The following DNTT variants were observed in gnomAD, a reference collection of about 807,000 sequenced individuals.
The protein encoded by DNTT is DNA nucleotidylexotransferase, also known as nucleosidetriphosphate:DNA deoxynucleotidylexotransferase.
Under a neutral mutation model 60.9 loss-of-function variants are expected in DNTT, and 47 were observed. The observed-to-expected ratio is 0.77, with a 90% CI of 0.61 to 0.98. The LOEUF is 0.98. DNTT is among the 50% of genes least tolerant of loss of function. The pLI, the probability that DNTT is intolerant of heterozygous loss-of-function variation, is 0.00. For synonymous variants in DNTT, 224 were observed against 221.2 expected, an observed-to-expected ratio of 1.01 and a Z score of -0.11; for missense variants, 665 against 627.5, an observed-to-expected ratio of 1.06 and a Z score of -0.64.
intron 1 of DNTT, among the ~76,000 whole-genome samples, chr10:96,306,037 G>A (rs1349126709): frequency 7.2e-5 from 11 of 151,900 alleles, no homozygotes; most frequent in East Asian, 1.9e-4. Context: ...TTACATAGAA[G>A]GCTAGAGTTG....
At chr10:96,325,246 T>C (rs942110614) in intron 6 of DNTT, among the ~76,000 whole-genome samples, 2 of 152,226 alleles carry the variant, frequency 1.3e-5, no homozygotes, top group Non-Finnish European at 1.5e-5. Context: ...TTTGTAAAGT[T>C]GCTAATCTTT....
At chr10:96,318,248 G>A (rs1174951720) in intron 1 of DNTT, 104 bp from the exon 2 acceptor site, 1 of 1,361,986 alleles carries the variant, frequency 7.3e-7, no homozygotes, top group South Asian at 1.4e-5. Flanking sequence ...GGTCTAGCAT[G>A]TGTCTTTCTC....
chr10:96,318,361 C>A lies in DNTT; in HGVS notation c.213C>A (p.Val71=), dbSNP rs372075557. The A allele has an allele frequency of 3.7e-6, 6 of 1,610,596 alleles. 1 individual carries two copies. In the South Asian group the frequency reaches 5.5e-5, roughly 15 times the overall value. ...FRVENELSDS[V]THIVAENNSG... Reference sequence around the variant, plus strand: ...GTCTTGCATTTTGCAGTGATTCTGTCACCCACATCGTAGCAGAGAACAACT... The same window carrying A: ...GTCTTGCATTTTGCAGTGATTCTGTAACCCACATCGTAGCAGAGAACAACT... The change falls in exon 2 of 11, where the codon GTC becomes GTA. Residue 71 remains valine (V), a synonymous_variant. Transcript: ENST00000371174.
intron 1 of DNTT, among the ~76,000 whole-genome samples, chr10:96,305,158 G>A (rs975011493): frequency 6.6e-6 from 1 of 152,180 alleles, no homozygotes; most frequent in Non-Finnish European, 1.5e-5. Flanking sequence ...TGTGGTGGGC[G>A]AGGATGACTA....
At chr10:96,307,305 G>A (rs1484892372) in intron 1 of DNTT, among the ~76,000 whole-genome samples, 1 of 150,584 alleles carries the variant, frequency 6.6e-6, no homozygotes, top group Admixed American at 6.6e-5. Flanking sequence ...GGGTTGGTAG[G>A]GAGAGATTAT....
rs1441308237 is a variant in DNTT at position 96,338,185 on chromosome 10, G to A, written c.1491G>A (p.Leu497=). 1 of 1,613,368 alleles carries A rather than the reference G, an allele frequency of 6.2e-7. No individual in the cohort carries two copies. Among genetic ancestry groups the A allele is most frequent in the Non-Finnish European group, 8.5e-7 (1 of 1,179,826 alleles). ...AESEEEIFAH[L]GLDYIEPWER... ...GTGAAGAAGAAATTTTTGCGCATCT[G>A]GGATTGGATTATATTGAACCGTGGG... is the stretch of plus-strand genomic sequence containing the variant. The change falls in exon 11 of 11, where the codon CTG becomes CTA. Residue 497 remains leucine, a synonymous_variant. Transcript: ENST00000371174.
intron 7 of DNTT, 26 bp downstream of exon 7, chr10:96,327,626 C>CA: frequency 6.3e-7 from 1 of 1,599,194 alleles, no homozygotes; most frequent in Non-Finnish European, 8.5e-7. Context: ...GGCTTTGCCT[C>CA]CTCTGCCCGA....
chr10:96,308,605 T>C (rs1844670729), intron 1 of DNTT, among the ~76,000 whole-genome samples: 1 of 152,168 alleles, frequency 6.6e-6, no homozygotes, highest in Admixed American at 6.5e-5. Context: ...CTCGAGTCCA[T>C]GTGAAGAGAC....
intron 1 of DNTT, among the ~76,000 whole-genome samples, chr10:96,316,135 C>G (rs1844782622): frequency 6.6e-6 from 1 of 152,122 alleles, no homozygotes; most frequent in Non-Finnish European, 1.5e-5. Context: ...TTCCACCGCT[C>G]CACCCCTTCC....
chr10:96,318,116 C>T (rs1283289479), intron 1 of DNTT, among the ~76,000 whole-genome samples: 1 of 152,170 alleles, frequency 6.6e-6, no homozygotes, highest in Non-Finnish European at 1.5e-5. Context: ...ACGCCTCAGT[C>T]CTGCTAATGT....
In DNTT at chr10:96,332,610, G is replaced by A. The variant is rs776815713; in HGVS notation, c.1359+14G>A. The A allele has an allele frequency of 1.1e-5, 17 of 1,608,976 alleles. No individual in the cohort carries two copies. Among genetic ancestry groups the A allele is most frequent in the Non-Finnish European group, 1.4e-5 (17 of 1,176,342 alleles). On this transcript the variant is annotated intron_variant, in intron 9 of 10. Transcript: ENST00000371174. ...ACTGGCTCCCGGGTAAGTGCTACAT[G>A]GACCCATGGGATGATGTTAGCTTTC...
At chr10:96,318,623 C>G in intron 2 of DNTT, 97 bp downstream of exon 2, 1 of 1,438,942 alleles carries the variant, frequency 6.9e-7, no homozygotes, top group Non-Finnish European at 9.3e-7. Context: ...AAATTCTCTG[C>G]TTACTACCTG....
In DNTT at chr10:96,307,758, C is replaced by CAT. The variant is rs201864849; in HGVS notation, c.203+3077_203+3078dup. Among the ~76,000 whole-genome samples the CAT allele has an allele frequency of 2.0e-3, 163 of 82,184 alleles. 6 individuals are homozygous for CAT. The highest frequency in any genetic ancestry group is 7.2e-3 in the African/African-American group (145 of 20,162). The allele number at this position is 82,184 out of a possible 152,430, so 53.9% of individuals were successfully genotyped here. On this transcript the variant is annotated intron_variant, in intron 1 of 10. Coordinates refer to ENST00000371174, the MANE Select transcript of DNTT (RefSeq NM_004088.4). Reference sequence around the variant, plus strand: ...AAGCATATATATGTGTGTGTGTGTGCATATATATATATATATATATTTTTT... The same window carrying CAT: ...AAGCATATATATGTGTGTGTGTGTGCATATATATATATATATATATATTTTTT...
chr10:96,310,366 A>C (rs1000114593), intron 1 of DNTT, among the ~76,000 whole-genome samples: 2 of 152,242 alleles, frequency 1.3e-5, no homozygotes, highest in South Asian at 4.1e-4. Flanking sequence ...CATTGTTTGC[A>C]AAATAAACAG....
intron 6 of DNTT, among the ~76,000 whole-genome samples, chr10:96,326,290 T>C (rs1021535434): frequency 2.6e-5 from 4 of 152,186 alleles, no homozygotes; most frequent in African/African-American, 7.2e-5. Context: ...AAAATGGCCA[T>C]GTTGCAATAA....
intron 3 of DNTT, among the ~76,000 whole-genome samples, chr10:96,319,902 TC>T (rs1328192068): frequency 6.6e-6 from 1 of 152,176 alleles, no homozygotes; most frequent in Non-Finnish European, 1.5e-5. Flanking sequence ...TATCTAAAGC[TC>T]CACTCAGCCC....
At chr10:96,332,162 G>A (rs371373245) in intron 8 of DNTT, among the ~76,000 whole-genome samples, 189 bp from the exon 9 acceptor site, 1 of 152,128 alleles carries the variant, frequency 6.6e-6, no homozygotes, top group Non-Finnish European at 1.5e-5. Context: ...TTCCTTTTCC[G>A]TAAAGGGAAG....
At position 96,327,544 on chromosome 10, in the gene DNTT, G is replaced by A. The variant is rs1299534065; in HGVS notation, c.951G>A (p.Glu317=). ...EAEAVSVLVK[E]AVWAFLPDAF... ...AGGCCGTCAGTGTGCTGGTTAAAGA[G>A]GCTGTCTGGGCATTTCTTCCGGATG... Residue 317 remains glutamate, a synonymous_variant, in exon 7 of 11, where the codon GAG becomes GAA. Transcript: ENST00000371174. 1.9e-6 allele frequency: 3 copies of A among 1,614,102 alleles called. No individual in the cohort carries two copies. In the South Asian group the frequency reaches 3.3e-5, roughly 18 times the overall value.
intron 6 of DNTT, 98 bp downstream of exon 6, chr10:96,324,487 G>A: frequency 2.6e-6 from 4 of 1,532,092 alleles, no homozygotes; most frequent in Non-Finnish European, 2.7e-6. Context: ...TGGGAGAGCT[G>A]GGACACTTCT....
Sources: gnomAD v4.1 joint callset for allele counts (sites outside exome capture counted in the v4.1 genomes callset) on GRCh38, gnomAD v4.1.1 for gene constraint, MANE v1.5 for transcripts, NCBI Gene and HGNC (gene_info 2026-07-23, HGNC 2026-07-21) for gene names.